Variants in ZNF875 observed in about 807,000 individuals in gnomAD.
The protein encoded by ZNF875 is HKR1, GLI-Kruppel zinc finger family member.
Under a neutral mutation model 11.2 loss-of-function variants are expected in ZNF875, and 14 were observed. The ratio of observed to expected loss-of-function variants is 1.26; its 90% CI spans 0.83 to 1.96. The LOEUF (loss-of-function observed/expected upper bound fraction) is 1.96. Among genes scored for constraint, ZNF875 ranks in the 30% most tolerant of loss-of-function variants. ZNF875 has a pLI of 0.00. For missense variants in ZNF875, 752 were observed against 760.4 expected, an observed-to-expected ratio of 0.99 and a Z score of 0.13; for synonymous variants, 301 against 281.1, an observed-to-expected ratio of 1.07 and a Z score of -0.71.
upstream of ZNF875, chr19:37,315,323 A>T (rs1292065191): frequency 6.6e-6 from 1 of 152,242 alleles, no homozygotes; most frequent in Non-Finnish European, 1.5e-5. Context: ...AACCTGTTCA[A>T]GCTAAAATCC....
chr19:37,343,113 C>T (rs11880073), intron 2 of ZNF875, among the ~76,000 whole-genome samples: 3,706 of 152,062 alleles, frequency 0.024, 165 homozygotes, highest in African/African-American at 0.085. Flanking sequence ...CCGAGGCGGG[C>T]GGATCATGAG....
At chr19:37,336,545 C>T (rs2034472869) in intron 2 of ZNF875, among the ~76,000 whole-genome samples, 1 of 151,116 alleles carries the variant, frequency 6.6e-6, no homozygotes, top group Non-Finnish European at 1.5e-5. Context: ...ATGATCCACC[C>T]ACCTCGGCCT....
chr19:37,355,652 A>G (rs1380855427), intron 4 of ZNF875, among the ~76,000 whole-genome samples: 1 of 152,068 alleles, frequency 6.6e-6, no homozygotes, highest in African/African-American at 2.4e-5. Flanking sequence ...ATGGTTTTTT[A>G]CTTTCCAGAA....
At position 37,347,802 on chromosome 19, in the gene ZNF875, C is replaced by T. The variant is rs2037102273; in HGVS notation, c.186C>T (p.Leu62=). 1 of 1,613,286 alleles carries T rather than the reference C, an allele frequency of 6.2e-7. No homozygotes were observed. The highest frequency in any genetic ancestry group is 8.5e-7 in the Non-Finnish European group (1 of 1,179,254). ...SLEIPSSKPK[L]IAQLERGEAP... ...AAATTCCATCTTCTAAACCAAAACT[C>T]ATTGCTCAGCTGGAGCGAGGGGAAG... Residue 62 remains leucine, a synonymous_variant, in exon 4 of 5, where the codon CTC becomes CTT. Transcript: ENST00000392153.
Position 37,363,658 on chromosome 19 carries a change from C to T in ZNF875, c.1806C>T (p.His602=), listed in dbSNP as rs749049450. 11 of 1,613,486 alleles carry T rather than the reference C, an allele frequency of 6.8e-6. No homozygotes were observed. The African/African-American group carries it at 1.5e-4, about 22-fold the overall frequency. Residue 602 remains histidine, a synonymous_variant, in exon 5 of 5, where the codon CAC becomes CAT. Coordinates refer to ENST00000392153, the MANE Select transcript of ZNF875 (RefSeq NM_001353803.2). The part of the protein sequence containing the change: ...ECGQGFSRQS[H]LIRHQRTHSG... Reference sequence around the variant, plus strand: ...GGCAAGGCTTTAGCCGGCAGTCACACCTCATTAGACACCAGAGGACACATT... The same window carrying T: ...GGCAAGGCTTTAGCCGGCAGTCACATCTCATTAGACACCAGAGGACACATT...
At chr19:37,345,251 A>T (rs1337269036) in intron 2 of ZNF875, among the ~76,000 whole-genome samples, 1 of 152,336 alleles carries the variant, frequency 6.6e-6, no homozygotes, top group Non-Finnish European at 1.5e-5. Flanking sequence ...GAGATGAGGT[A>T]TGAGAACCAA....
At chr19:37,329,061 C>T (rs1225484713) in intron 4 of ZNF875, 3 of 152,118 alleles carry the variant, frequency 2.0e-5, no homozygotes, top group Admixed American at 6.6e-5. Flanking sequence ...TAACAAGTCC[C>T]CAGGTGAGTC....
At chr19:37,339,747 T>C (rs1045296323) in intron 2 of ZNF875, among the ~76,000 whole-genome samples, 13 of 151,734 alleles carry the variant, frequency 8.6e-5, no homozygotes, top group African/African-American at 2.9e-4. Flanking sequence ...GTATTTTTAG[T>C]AGAGACAGGG....
chr19:37,328,686 C>G (rs1393010251), intron 4 of ZNF875: 1 of 152,236 alleles, frequency 6.6e-6, no homozygotes, highest in Non-Finnish European at 1.5e-5. Flanking sequence ...CTGTGGTATT[C>G]TGTTATAGCA....
At chr19:37,335,015 G>A (rs1422003202) in intron 1 of ZNF875, 154 bp from the exon 2 acceptor site, 1 of 554,212 alleles carries the variant, frequency 1.8e-6, no homozygotes, top group African/African-American at 1.9e-5. Flanking sequence ...GGGTGGCTGG[G>A]TCATCCTGGC....
At chr19:37,353,680 G>A (rs958368290) in intron 4 of ZNF875, among the ~76,000 whole-genome samples, 2 of 152,102 alleles carry the variant, frequency 1.3e-5, no homozygotes, top group African/African-American at 4.8e-5. Flanking sequence ...AGATAGAATC[G>A]CTGGTTAACA....
chr19:37,326,030 A>G lies in ZNF875; in HGVS notation c.-603+1765A>G, dbSNP rs567786059. Among the ~76,000 whole-genome samples the G allele has an allele frequency of 4.6e-5, 7 of 151,790 alleles. No individual in the cohort carries two copies. The South Asian group carries it at 1.5e-3, about 32-fold the overall frequency. On this transcript the variant is annotated intron_variant, in intron 4 of 5. Coordinates refer to the ZNF875 transcript ENST00000544914. ...GGCCTGATTTTTTTTTTCTGAAGAG[A>G]TGAGGTCTTGCTATGTTGCCCAGAC...
At chr19:37,326,664 C>CTTTTTTTTTTTTT in intron 4 of ZNF875, among the ~76,000 whole-genome samples, 1 of 88,096 alleles carries the variant, frequency 1.1e-5, no homozygotes. Context: ...AATTAGAAAG[C>CTTTTTTTTTTTTT]TTTTTTTTTT....
chr19:37,350,876 C>G (rs1236426548), intron 4 of ZNF875, among the ~76,000 whole-genome samples: 1 of 147,380 alleles, frequency 6.8e-6, no homozygotes, highest in Non-Finnish European at 1.5e-5. Context: ...GCAATCCCAG[C>G]TCACTGCAAC....
intron 4 of ZNF875, among the ~76,000 whole-genome samples, chr19:37,359,105 G>A (rs1410542483): frequency 1.3e-5 from 2 of 151,784 alleles, no homozygotes; most frequent in Non-Finnish European, 1.5e-5. Flanking sequence ...TCTCCATGTT[G>A]GTCAGGCTGG....
intron 4 of ZNF875, among the ~76,000 whole-genome samples, chr19:37,325,227 G>T (rs117713815): frequency 2.0e-5 from 3 of 152,114 alleles, no homozygotes; most frequent in African/African-American, 7.2e-5. Context: ...ATAGATGGGG[G>T]CCCGTCCACA....
intron 4 of ZNF875, among the ~76,000 whole-genome samples, chr19:37,350,197 C>T (rs531572478): frequency 6.0e-5 from 9 of 149,286 alleles, no homozygotes; most frequent in African/African-American, 1.2e-4. Context: ...CTGCAACCTC[C>T]GCCTATCAGG....
chr19:37,326,156 A>G (rs2032397496), intron 4 of ZNF875, among the ~76,000 whole-genome samples: 1 of 152,028 alleles, frequency 6.6e-6, no homozygotes, highest in Admixed American at 6.6e-5. Flanking sequence ...TTTCTTTTAT[A>G]CTGAGTATTC....
rs1476931716 is a variant in ZNF875 at position 37,334,668 on chromosome 19, G to T, written c.-171G>T. ...AGAAACACTTCCGGTCGGTGGCCCA[G>T]GCGCGTTAAGCTGGTTGGGACCCGG... On this transcript the variant is annotated 5_prime_UTR_variant, in exon 1 of 5. The change creates a new upstream start codon in the 5' untranslated region. Transcript: ENST00000392153. The T allele has an allele frequency of 2.2e-6, 1 of 455,938 alleles. No individual in the cohort carries two copies. The highest frequency in any genetic ancestry group is 2.0e-5 in the African/African-American group (1 of 50,062). The allele number at this position is 455,938 out of a possible 1,614,324, so 28.2% of individuals were successfully genotyped here. A position where few individuals can be genotyped will look rare whatever the true frequency, so the allele number is the denominator to read the frequency against.
Sources: allele counts gnomAD v4.1 joint callset (sites outside exome capture counted in the v4.1 genomes callset), GRCh38; gene constraint gnomAD v4.1.1; transcripts MANE v1.5; gene names NCBI Gene and HGNC (gene_info 2026-07-23, HGNC 2026-07-21).